Variants in PAPPA observed in about 807,000 individuals in gnomAD.
The protein encoded by PAPPA is pappalysin 1.
PAPPA carries 60 observed loss-of-function variants against 164.0 expected under a neutral mutation model. The ratio of observed to expected loss-of-function variants is 0.37; its 90% CI spans 0.30 to 0.45. The LOEUF is 0.45. PAPPA is among the 20% of genes least tolerant of loss of function. PAPPA has a pLI of 1.00. For synonymous variants in PAPPA, 875 were observed against 814.1 expected (o/e 1.07, Z -1.27); for missense variants, 1,782 against 2,087.3 (o/e 0.85, Z 2.85).
intron 4 of PAPPA, among the ~76,000 whole-genome samples, chr9:116,215,620 T>G (rs1844361101): frequency 6.6e-6 from 1 of 152,092 alleles, no homozygotes; most frequent in African/African-American, 2.4e-5. Context: ...AGGGAGAGGA[T>G]CAGGAAAAAT....
chr9:116,341,810 C>A (rs1228638359), intron 13 of PAPPA, among the ~76,000 whole-genome samples: 1 of 152,154 alleles, frequency 6.6e-6, no homozygotes, highest in Admixed American at 6.5e-5. Context: ...TCCTAAGAAA[C>A]AAATTATTTT....
chr9:116,283,074 C>T (rs142625580), intron 9 of PAPPA, among the ~76,000 whole-genome samples: 174 of 152,258 alleles, frequency 1.1e-3, no homozygotes, highest in Middle Eastern at 3.4e-3. Context: ...CTCATGCACA[C>T]GGTTGCTTTT....
At chr9:116,234,511 C>T (rs1844636013) in intron 6 of PAPPA, among the ~76,000 whole-genome samples, 1 of 152,100 alleles carries the variant, frequency 6.6e-6, no homozygotes, top group South Asian at 2.1e-4. Context: ...TTTATGCTCA[C>T]CTATTCTTTG....
intron 9 of PAPPA, among the ~76,000 whole-genome samples, chr9:116,294,499 G>A (rs757513415): frequency 6.8e-4 from 104 of 152,280 alleles, no homozygotes; most frequent in Non-Finnish European, 1.1e-3. Context: ...GGTTTGACAC[G>A]AAGCCTTTGA....
chr9:116,277,140 C>T (rs181552551), intron 9 of PAPPA, among the ~76,000 whole-genome samples: 5 of 152,094 alleles, frequency 3.3e-5, no homozygotes, highest in East Asian at 1.9e-4. Context: ...TTTCTAACAA[C>T]GTGAAATCAT....
intron 7 of PAPPA, among the ~76,000 whole-genome samples, chr9:116,251,817 T>C (rs937981948): frequency 2.0e-5 from 3 of 152,214 alleles, no homozygotes; most frequent in African/African-American, 7.2e-5. Flanking sequence ...CTCCCTTCTT[T>C]AATGCTATCC....
intron 17 of PAPPA, among the ~76,000 whole-genome samples, chr9:116,354,327 C>G (rs1179714717): frequency 6.6e-6 from 1 of 152,108 alleles, no homozygotes; most frequent in East Asian, 1.9e-4. Flanking sequence ...GAATTTTCTT[C>G]AAATCCTACA....
At chr9:116,272,572 C>A (rs1564206087) in intron 9 of PAPPA, among the ~76,000 whole-genome samples, 4 of 152,198 alleles carry the variant, frequency 2.6e-5, no homozygotes. Context: ...CACCTACTAT[C>A]TTCTTGGCAC....
At chr9:116,168,992 C>T (rs922047072) in intron 1 of PAPPA, among the ~76,000 whole-genome samples, 5 of 152,054 alleles carry the variant, frequency 3.3e-5, no homozygotes, top group African/African-American at 7.2e-5. Flanking sequence ...GTTAAATGAA[C>T]GAACAGATTA....
At chr9:116,169,551 C>T (rs1330856807) in intron 1 of PAPPA, among the ~76,000 whole-genome samples, 2 of 151,548 alleles carry the variant, frequency 1.3e-5, no homozygotes, top group African/African-American at 4.9e-5. Context: ...AACTCCTGAC[C>T]TCAGGTGATC....
intron 1 of PAPPA, among the ~76,000 whole-genome samples, chr9:116,165,393 T>C (rs1488885197): frequency 6.6e-6 from 1 of 152,206 alleles, no homozygotes; most frequent in Non-Finnish European, 1.5e-5. Flanking sequence ...CTCATCTTGG[T>C]TGGTGTCACC....
At chr9:116,346,554 A>AAGTTCCT (rs1199588918) in intron 14 of PAPPA, among the ~76,000 whole-genome samples, 1 of 152,128 alleles carries the variant, frequency 6.6e-6, no homozygotes, top group Non-Finnish European at 1.5e-5. Flanking sequence ...ACACTACAAC[A>AAGTTCCT]AGTTCCTAGT....
At chr9:116,251,907 G>A (rs1175112723) in intron 7 of PAPPA, among the ~76,000 whole-genome samples, 1 of 152,050 alleles carries the variant, frequency 6.6e-6, no homozygotes, top group Non-Finnish European at 1.5e-5. Flanking sequence ...TAAATCTCAG[G>A]ACCGCTGTTA....
intron 3 of PAPPA, among the ~76,000 whole-genome samples, chr9:116,209,741 G>C (rs1048002626): frequency 3.3e-5 from 5 of 152,178 alleles, no homozygotes; most frequent in African/African-American, 1.2e-4. Context: ...ATCATCCCTG[G>C]AATGGTCCTG....
chr9:116,396,445 G>T, intron 21 of PAPPA, 64 bp from the exon 22 acceptor site: 1 of 775,264 alleles, frequency 1.3e-6, no homozygotes, highest in Admixed American at 1.7e-5. Flanking sequence ...TCCCTGCGCT[G>T]CACTGCCTTT....
chr9:116,260,631 A>G (rs1223352968), intron 7 of PAPPA, among the ~76,000 whole-genome samples: 1 of 152,200 alleles, frequency 6.6e-6, no homozygotes, highest in Non-Finnish European at 1.5e-5. Flanking sequence ...AGCAGTTTCT[A>G]GCCTATGGAA....
chr9:116,308,608 C>T (rs1486506587), intron 10 of PAPPA, among the ~76,000 whole-genome samples: 2 of 152,196 alleles, frequency 1.3e-5, no homozygotes, highest in Non-Finnish European at 2.9e-5. Flanking sequence ...CCAGGCAGCT[C>T]AAGCCTGCTC....
At chr9:116,196,687 A>G (rs1044545073) in intron 2 of PAPPA, among the ~76,000 whole-genome samples, 27 of 152,188 alleles carry the variant, frequency 1.8e-4, no homozygotes, top group African/African-American at 3.4e-4. Flanking sequence ...GTTTGTTTGC[A>G]TAACTAGAAT....
At chr9:116,340,343 C>T (rs1364163041) in intron 13 of PAPPA, among the ~76,000 whole-genome samples, 1 of 152,170 alleles carries the variant, frequency 6.6e-6, no homozygotes, top group East Asian at 1.9e-4. Context: ...GTTCACACAA[C>T]CTTGTCCAAC....
Sources: gnomAD v4.1 joint callset for allele counts (sites outside exome capture counted in the v4.1 genomes callset) on GRCh38, gnomAD v4.1.1 for gene constraint, MANE v1.5 for transcripts, NCBI Gene and HGNC (gene_info 2026-07-23, HGNC 2026-07-21) for gene names.